GALNT13: variants seen among roughly 807,000 people sequenced by gnomAD.
GALNT13 encodes UDP-GalNAc:polypeptide N-acetylgalactosaminyltransferase 13.
A neutral mutation model predicts 64.2 loss-of-function variants in GALNT13; 28 were observed. That is an observed-to-expected ratio of 0.44 (90% CI 0.32 to 0.60). The LOEUF is 0.60. GALNT13 is among the 20% of genes least tolerant of loss of function. The pLI is 0.05. For synonymous variants in GALNT13, 214 were observed against 224.6 expected, an observed-to-expected ratio of 0.95 and a Z score of 0.42; for missense variants, 577 against 669.8, an observed-to-expected ratio of 0.86 and a Z score of 1.53.
chr2:154,157,452 A>G (rs748317406), intron 4 of GALNT13, among the ~76,000 whole-genome samples: 2 of 152,054 alleles, frequency 1.3e-5, no homozygotes, highest in African/African-American at 2.4e-5. Flanking sequence ...GGCTCAAGCA[A>G]TCCTCCTACC....
chr2:153,426,579 C>T, the GALNT13 span, among the ~76,000 whole-genome samples: 68 of 151,956 alleles, frequency 4.5e-4, no homozygotes, highest in Non-Finnish European at 8.8e-4. Flanking sequence ...ATTTACATCA[C>T]GTTCATGTGC....
At chr2:154,323,821 G>C (rs13421488) in intron 9 of GALNT13, among the ~76,000 whole-genome samples, 2 of 151,882 alleles carry the variant, frequency 1.3e-5, no homozygotes, top group East Asian at 1.9e-4. Flanking sequence ...TATTCTTATG[G>C]ACATATGTCC....
the GALNT13 span, among the ~76,000 whole-genome samples, chr2:153,742,937 G>C: frequency 1.4e-5 from 2 of 147,828 alleles, no homozygotes; most frequent in Admixed American, 6.8e-5. Flanking sequence ...GGGAAGGAAA[G>C]GGGAGGGGAG....
chr2:154,217,369 T>G (rs1325629421), intron 4 of GALNT13, among the ~76,000 whole-genome samples: 1 of 152,162 alleles, frequency 6.6e-6, no homozygotes, highest in African/African-American at 2.4e-5. Flanking sequence ...GCCATTCATT[T>G]AGAAACCTGC....
chr2:153,451,039 A>G, the GALNT13 span, among the ~76,000 whole-genome samples: 1 of 152,136 alleles, frequency 6.6e-6, no homozygotes, highest in Non-Finnish European at 1.5e-5. Flanking sequence ...TATTTATCAA[A>G]CACCCCAGGG....
At chr2:154,065,981 C>G (rs1400378880) in intron 3 of GALNT13, among the ~76,000 whole-genome samples, 1 of 152,014 alleles carries the variant, frequency 6.6e-6, no homozygotes, top group African/African-American at 2.4e-5. Flanking sequence ...TTCAAGATAA[C>G]AAAGAGAAAG....
the GALNT13 span, among the ~76,000 whole-genome samples, chr2:153,539,347 G>C: frequency 3.3e-5 from 5 of 152,032 alleles, no homozygotes; most frequent in African/African-American, 1.2e-4. Context: ...TAGGTTGCCT[G>C]TTCACTCTGA....
At chr2:153,645,257 A>T in the GALNT13 span, among the ~76,000 whole-genome samples, 4 of 152,172 alleles carry the variant, frequency 2.6e-5, no homozygotes, top group African/African-American at 4.8e-5. Flanking sequence ...ACTTAATTTT[A>T]TACATTAAAA....
At chr2:153,352,524 C>T in the GALNT13 span, among the ~76,000 whole-genome samples, 4 of 152,090 alleles carry the variant, frequency 2.6e-5, no homozygotes, top group African/African-American at 9.7e-5. Flanking sequence ...GAATAATTGT[C>T]ATCACCAATC....
intron 4 of GALNT13, among the ~76,000 whole-genome samples, chr2:154,203,971 C>A (rs1687305463): frequency 6.6e-6 from 1 of 152,186 alleles, no homozygotes; most frequent in Non-Finnish European, 1.5e-5. Context: ...AAAATCTTCA[C>A]CTTACCTACT....
chr2:154,323,221 A>G (rs942891979), intron 9 of GALNT13, among the ~76,000 whole-genome samples: 1 of 151,284 alleles, frequency 6.6e-6, no homozygotes, highest in Non-Finnish European at 1.5e-5. Flanking sequence ...CCCGGAGCTC[A>G]GGAGCTTGAG....
chr2:153,118,823 A>G, the GALNT13 span, among the ~76,000 whole-genome samples: 1 of 152,338 alleles, frequency 6.6e-6, no homozygotes, highest in South Asian at 2.1e-4. Flanking sequence ...GTGAGAAGAC[A>G]TTGAAGTACA....
intron 3 of GALNT13, among the ~76,000 whole-genome samples, chr2:153,994,526 C>T (rs1006001744): frequency 3.3e-5 from 5 of 152,158 alleles, no homozygotes; most frequent in Admixed American, 2.0e-4. Context: ...AGTTTACAGT[C>T]CCACCAAAAG....
At chr2:153,367,548 T>TA in the GALNT13 span, among the ~76,000 whole-genome samples, 1 of 152,100 alleles carries the variant, frequency 6.6e-6, no homozygotes, top group Admixed American at 6.6e-5. Flanking sequence ...AAGGAGTTGT[T>TA]ACAATAAAAA....
the GALNT13 span, among the ~76,000 whole-genome samples, chr2:153,349,999 A>T: frequency 6.6e-6 from 1 of 152,146 alleles, no homozygotes; most frequent in Non-Finnish European, 1.5e-5. Flanking sequence ...CACTGGGCCG[A>T]ACCTCCTTTC....
At chr2:154,070,305 A>C (rs1205621108) in intron 3 of GALNT13, among the ~76,000 whole-genome samples, 1 of 152,146 alleles carries the variant, frequency 6.6e-6, no homozygotes, top group Non-Finnish European at 1.5e-5. Context: ...CATTATGTAA[A>C]GTGATTTCTA....
the GALNT13 span, among the ~76,000 whole-genome samples, chr2:153,392,655 C>A: frequency 6.6e-6 from 1 of 151,988 alleles, no homozygotes; most frequent in African/African-American, 2.4e-5. Context: ...AGTCTTTTTT[C>A]TCCTGAAATC....
chr2:153,809,738 T>G, the GALNT13 span, among the ~76,000 whole-genome samples: 2 of 152,180 alleles, frequency 1.3e-5, no homozygotes, highest in African/African-American at 2.4e-5. Context: ...ACCAATATTA[T>G]GTACTACGCC....
At chr2:153,644,425 G>C in the GALNT13 span, among the ~76,000 whole-genome samples, 1 of 151,756 alleles carries the variant, frequency 6.6e-6, no homozygotes, top group Non-Finnish European at 1.5e-5. Context: ...TGAAGCTTAA[G>C]GGCTAGGTAG....
Sources: allele counts gnomAD v4.1 joint callset (sites outside exome capture counted in the v4.1 genomes callset), GRCh38; gene constraint gnomAD v4.1.1; transcripts MANE v1.5; gene names NCBI Gene and HGNC (gene_info 2026-07-23, HGNC 2026-07-21).